Variants in INPP4B observed in about 807,000 individuals in gnomAD.
INPP4B encodes the protein inositol polyphosphate 4-phosphatase type II.
In INPP4B, 55 loss-of-function variants were observed where a neutral mutation model predicts 122.5. That is an observed-to-expected ratio of 0.45 (90% CI 0.36 to 0.56). The LOEUF (loss-of-function observed/expected upper bound fraction) is 0.56, where lower values mean the gene tolerates loss of function less well. INPP4B is among the 20% of genes least tolerant of loss of function. The pLI, the probability that INPP4B is intolerant of heterozygous loss-of-function variation, is 0.00. For missense variants in INPP4B, 1,000 were observed against 1,097.7 expected, an observed-to-expected ratio of 0.91 and a Z score of 1.26; for synonymous variants, 403 against 388.7, an observed-to-expected ratio of 1.04 and a Z score of -0.43.
At chr4:142,557,289 C>A (rs977187901) in intron 2 of INPP4B, among the ~76,000 whole-genome samples, 8 of 152,156 alleles carry the variant, frequency 5.3e-5, no homozygotes, top group Non-Finnish European at 8.8e-5. Flanking sequence ...TTAAGAGCAA[C>A]ATGAATAAGA....
At chr4:142,031,653 G>GTATGTCAATTGTATGA (rs1740221527) in intron 25 of INPP4B, among the ~76,000 whole-genome samples, 1 of 152,082 alleles carries the variant, frequency 6.6e-6, no homozygotes, top group Admixed American at 6.5e-5. Flanking sequence ...TGAGTAACTT[G>GTATGTCAATTGTATGA]GTTACTATTC....
intron 2 of INPP4B, among the ~76,000 whole-genome samples, chr4:142,680,103 C>G (rs908150367): frequency 6.6e-6 from 1 of 151,810 alleles, no homozygotes; most frequent in Non-Finnish European, 1.5e-5. Context: ...TATAACATCA[C>G]CATGCATGAA....
intron 11 of INPP4B, among the ~76,000 whole-genome samples, chr4:142,253,562 G>A (rs1002547113): frequency 6.6e-6 from 1 of 152,218 alleles, no homozygotes; most frequent in Non-Finnish European, 1.5e-5. Flanking sequence ...GGGTCAGGGA[G>A]TTCCCTTTCC....
At chr4:142,593,126 T>C (rs1057135553) in intron 2 of INPP4B, among the ~76,000 whole-genome samples, 2 of 150,540 alleles carry the variant, frequency 1.3e-5, no homozygotes, top group Non-Finnish European at 3.0e-5. Flanking sequence ...AAAATGGTAG[T>C]GTAAATTAAA....
intron 7 of INPP4B, among the ~76,000 whole-genome samples, chr4:142,322,030 G>A (rs906773666): frequency 1.3e-5 from 2 of 152,106 alleles, no homozygotes; most frequent in African/African-American, 4.8e-5. Context: ...TATAAGCACT[G>A]GCAATCTCAG....
intron 1 of INPP4B, among the ~76,000 whole-genome samples, chr4:142,763,945 C>T (rs1157925077): frequency 6.6e-6 from 1 of 152,068 alleles, no homozygotes; most frequent in Non-Finnish European, 1.5e-5. Flanking sequence ...TCAACATATT[C>T]ATTGAGGCTG....
chr4:142,250,351 G>A (rs767427618), intron 11 of INPP4B, among the ~76,000 whole-genome samples: 3 of 152,172 alleles, frequency 2.0e-5, no homozygotes, highest in Non-Finnish European at 4.4e-5. Context: ...GTGACGAACT[G>A]ATATAAGATA....
chr4:142,557,913 G>A (rs1560797687), intron 2 of INPP4B, among the ~76,000 whole-genome samples: 1 of 152,092 alleles, frequency 6.6e-6, no homozygotes, highest in Non-Finnish European at 1.5e-5. Context: ...TGCCCCTGAG[G>A]GCCATAAGGC....
At chr4:142,037,137 A>G (rs1295741518) in intron 25 of INPP4B, among the ~76,000 whole-genome samples, 1 of 152,218 alleles carries the variant, frequency 6.6e-6, no homozygotes, top group Non-Finnish European at 1.5e-5. Flanking sequence ...ACTTAAGGGC[A>G]GTTGTTAAAT....
At chr4:142,191,122 T>C (rs1243321054) in intron 15 of INPP4B, among the ~76,000 whole-genome samples, 1 of 152,180 alleles carries the variant, frequency 6.6e-6, no homozygotes, top group African/African-American at 2.4e-5. Flanking sequence ...TGAAACACTC[T>C]AGACAAAACA....
At chr4:142,691,241 C>T (rs1418098176) in intron 2 of INPP4B, among the ~76,000 whole-genome samples, 2 of 152,068 alleles carry the variant, frequency 1.3e-5, no homozygotes, top group African/African-American at 2.4e-5. Context: ...AAATGATAGC[C>T]CCTTTTACAC....
At chr4:142,746,703 T>G (rs1366489932) in intron 1 of INPP4B, among the ~76,000 whole-genome samples, 2 of 152,022 alleles carry the variant, frequency 1.3e-5, no homozygotes, top group Non-Finnish European at 2.9e-5. Context: ...AACAGAGGCC[T>G]CAGAAATAAT....
chr4:142,728,233 A>T (rs924787548), intron 1 of INPP4B, among the ~76,000 whole-genome samples: 6 of 152,204 alleles, frequency 3.9e-5, no homozygotes, highest in African/African-American at 1.4e-4. Flanking sequence ...ATTGGGCTTG[A>T]CTACGAAACA....
At chr4:142,307,485 A>G (rs1262750468) in intron 8 of INPP4B, among the ~76,000 whole-genome samples, 1 of 152,202 alleles carries the variant, frequency 6.6e-6, no homozygotes, top group Non-Finnish European at 1.5e-5. Flanking sequence ...TCTGGTACAT[A>G]TTTACTGACA....
intron 2 of INPP4B, among the ~76,000 whole-genome samples, chr4:142,682,314 A>G (rs934128418): frequency 4.6e-5 from 7 of 151,690 alleles, no homozygotes; most frequent in Non-Finnish European, 8.8e-5. Context: ...TTTAGTTCTA[A>G]AACAATACCT....
intron 23 of INPP4B, among the ~76,000 whole-genome samples, chr4:142,095,430 C>T (rs1039265444): frequency 6.6e-6 from 1 of 152,128 alleles, no homozygotes; most frequent in Non-Finnish European, 1.5e-5. Context: ...TTAGAACTAA[C>T]GTAGTCACCT....
chr4:142,152,892 G>T (rs1372471637), intron 17 of INPP4B, among the ~76,000 whole-genome samples: 1 of 152,110 alleles, frequency 6.6e-6, no homozygotes, highest in African/African-American at 2.4e-5. Flanking sequence ...TTTCATATAA[G>T]TGCCTATACC....
chr4:142,285,941 T>G (rs867752688), intron 9 of INPP4B, among the ~76,000 whole-genome samples: 3 of 152,208 alleles, frequency 2.0e-5, no homozygotes, highest in Non-Finnish European at 4.4e-5. Flanking sequence ...TTCCTGATTT[T>G]AACTTGTTCT....
chr4:142,136,086 C>T (rs765395763), intron 18 of INPP4B, among the ~76,000 whole-genome samples: 17 of 152,190 alleles, frequency 1.1e-4, no homozygotes, highest in African/African-American at 2.7e-4. Context: ...TGTGAGCCAC[C>T]GTGCCCGGAG....
Sources: allele counts gnomAD v4.1 joint callset (sites outside exome capture counted in the v4.1 genomes callset), GRCh38; gene constraint gnomAD v4.1.1; transcripts MANE v1.5; gene names NCBI Gene and HGNC (gene_info 2026-07-23, HGNC 2026-07-21).